The following UNK variants were observed in gnomAD, a reference collection of about 807,000 sequenced individuals.
The protein encoded by UNK is RING finger protein unkempt homolog.
Under a neutral mutation model 97.6 loss-of-function variants are expected in UNK, and 32 were observed. The observed-to-expected ratio is 0.33, with a 90% CI of 0.25 to 0.44. The LOEUF (loss-of-function observed/expected upper bound fraction) is 0.44. Among genes scored for constraint, UNK ranks in the 20% least tolerant of loss-of-function variants. The pLI is 1.00. For synonymous variants in UNK, 441 were observed against 461.2 expected (o/e 0.96, Z 0.56); for missense variants, 771 against 1,098.4 (o/e 0.70, Z 4.21).
intron 1 of UNK, among the ~76,000 whole-genome samples, chr17:75,806,236 G>T (rs1025702530): frequency 2.1e-5 from 3 of 143,132 alleles, no homozygotes; most frequent in Non-Finnish European, 4.6e-5. Flanking sequence ...CGGGCGGATC[G>T]CAAGTTCAGG....
In UNK at chr17:75,819,041, G is replaced by C. The variant is rs2062042327; in HGVS notation, c.1546+225G>C. 2.0e-6 allele frequency: 1 copy of C among 493,112 alleles called. No individual in the cohort carries two copies. The allele number at this position is 493,112 out of a possible 1,614,324, so 30.5% of individuals were successfully genotyped here. A position where few individuals can be genotyped will look rare whatever the true frequency, so the allele number is the denominator to read the frequency against. On this transcript the variant is annotated intron_variant, in intron 11 of 15. Transcript: ENST00000589666. The surrounding 1 kb of genome is among the most constrained non-coding windows in gnomAD (Gnocchi z 5.4). ...TCCTTTGTGCAAATTAGAAAGAGGTGCCTTTTCCCCTTGGTGAGTACAGTC... is the reference window on the plus strand; with the variant it reads ...TCCTTTGTGCAAATTAGAAAGAGGTCCCTTTTCCCCTTGGTGAGTACAGTC...
intron 13 of UNK, among the ~76,000 whole-genome samples, chr17:75,822,090 A>G (rs1380280252): frequency 2.6e-5 from 4 of 152,188 alleles, no homozygotes; most frequent in Non-Finnish European, 4.4e-5. Context: ...TCAGGCTGCA[A>G]AAAGGCCCTA....
chr17:75,811,085 G>T (rs1423258560), intron 2 of UNK, among the ~76,000 whole-genome samples: 1 of 152,110 alleles, frequency 6.6e-6, no homozygotes, highest in African/African-American at 2.4e-5. Context: ...AAGTAGCTGG[G>T]ATTACAGGCG....
intron 5 of UNK, 21 bp from the exon 6 acceptor site, chr17:75,813,740 C>T: frequency 6.4e-7 from 1 of 1,555,644 alleles, no homozygotes; most frequent in Non-Finnish European, 8.7e-7. Flanking sequence ...CTCCATCTGA[C>T]CCCACCCTCT....
rs2062017304 is a variant in UNK at position 75,816,503 on chromosome 17, T to TAA, written c.962-267_962-266insAA. Among the ~76,000 whole-genome samples, 3 of 152,332 alleles carry TAA rather than the reference T, an allele frequency of 2.0e-5. No individual in the cohort carries two copies. Among genetic ancestry groups the TAA allele is most frequent in the Non-Finnish European group, 4.4e-5 (3 of 68,032 alleles). On this transcript the variant is annotated intron_variant, in intron 7 of 15. Coordinates refer to ENST00000589666, the MANE Select transcript of UNK (RefSeq NM_001080419.3). The surrounding 1 kb of genome is among the most constrained non-coding windows in gnomAD (Gnocchi z 4.0). ...GTCACTTTGGTGGGTTTACCTTACCTCTCTGAGCCTCAGTTTTCTTATTTA... is the reference window on the plus strand; with the variant it reads ...GTCACTTTGGTGGGTTTACCTTACCTAACTCTGAGCCTCAGTTTTCTTATTTA...
chr17:75,799,965 GA>G (rs1009568579), intron 1 of UNK, among the ~76,000 whole-genome samples: 2 of 151,842 alleles, frequency 1.3e-5, no homozygotes, highest in Non-Finnish European at 2.9e-5. Context: ...ACAAAAAGGG[GA>G]AAAAAAAGAC....
chr17:75,792,007 CT>C (rs2061767413), intron 1 of UNK: 1 of 985,348 alleles, frequency 1.0e-6, no homozygotes. Flanking sequence ...TTTCAACACC[CT>C]GATGCCTGAA....
chr17:75,823,460 T>C lies in UNK; in HGVS notation c.2215T>C (p.Ser739Pro). 6.3e-7 allele frequency: 1 copy of C among 1,583,570 alleles called. No homozygotes were observed. Among genetic ancestry groups the C allele is most frequent in the Non-Finnish European group, 8.6e-7 (1 of 1,162,274 alleles). ...CGCCTTCTCCGACCTGGAGGCGCTC[T>C]CACTCTCCACCCTCTACTCCCTCCA... is the stretch of plus-strand genomic sequence containing the variant. ...LPAFSDLEAL[S>P]LSTLYSLQKQ... is the part of the protein sequence containing the mutation. Residue 739 changes from serine to proline, a missense_variant, in exon 15 of 16, where the codon TCA (serine) becomes CCA (proline). Ser to Pro is a moderately conservative substitution (Grantham distance 74). Coordinates refer to ENST00000589666, the MANE Select transcript of UNK (RefSeq NM_001080419.3).
intron 1 of UNK, among the ~76,000 whole-genome samples, chr17:75,806,287 T>C (rs2061915839): frequency 6.8e-6 from 1 of 146,794 alleles, no homozygotes; most frequent in African/African-American, 2.6e-5. Flanking sequence ...ACCCCGTCTC[T>C]ACTAAAAATA....
At chr17:75,813,332 T>A (rs1343487175) in intron 5 of UNK, 119 bp downstream of exon 5, 28 of 1,374,428 alleles carry the variant, frequency 2.0e-5, no homozygotes, top group Non-Finnish European at 2.5e-5. Context: ...GATGACAGGA[T>A]CGCAAGCCCA....
In UNK at chr17:75,813,761, G is replaced by A. The variant is rs1315136024; in HGVS notation, c.759G>A (p.Arg253=). 1 of 1,581,460 alleles carries A rather than the reference G, an allele frequency of 6.3e-7. No individual in the cohort carries two copies. The highest frequency in any genetic ancestry group is 2.3e-5 in the East Asian group (1 of 43,002). The change falls in exon 6 of 16, where the codon AGG becomes AGA. Residue 253 remains arginine, a splice_region_variant and synonymous_variant. Coordinates refer to ENST00000589666, the MANE Select transcript of UNK (RefSeq NM_001080419.3). ...CTGACCCCACCCTCTTGTTGGCCAG[G>A]TCGTCTCCATGTCCAAACGTCAAGC... The part of the protein sequence containing the change: ...RRRSPRKHKY[R]SSPCPNVKHG...
At chr17:75,809,182 CTG>C (rs1410911179) in intron 1 of UNK, 1 of 152,996 alleles carries the variant, frequency 6.5e-6, no homozygotes, top group South Asian at 2.0e-4. Flanking sequence ...GGAAATGTCT[CTG>C]GGCGGAGGCG....
chr17:75,794,372 C>T (rs1383210478), intron 1 of UNK, among the ~76,000 whole-genome samples: 1 of 152,172 alleles, frequency 6.6e-6, no homozygotes, highest in African/African-American at 2.4e-5. Context: ...CATGGTGGCT[C>T]ACGCCTGTAA....
chr17:75,817,615 G>C lies in UNK; in HGVS notation c.1305+89G>C, dbSNP rs1399288867. On this transcript the variant is annotated intron_variant, in intron 9 of 15. Coordinates refer to ENST00000589666, the MANE Select transcript of UNK (RefSeq NM_001080419.3). The surrounding 1 kb of genome is among the most constrained non-coding windows in gnomAD (Gnocchi z 5.8). Reference sequence around the variant, plus strand: ...AGGAGTGTCTTGGTCCAGCTACGGGGAGGATGACTGGGAGCTAGGACTCCA... The same window carrying C: ...AGGAGTGTCTTGGTCCAGCTACGGGCAGGATGACTGGGAGCTAGGACTCCA... 24 of 1,369,174 alleles carry C rather than the reference G, an allele frequency of 1.8e-5. No homozygotes were observed. The highest frequency in any genetic ancestry group is 2.3e-5 in the Non-Finnish European group (23 of 1,011,080). 84.8% of individuals were successfully genotyped at this position (1,369,174 alleles called of 1,614,324 possible).
rs541954157 is a variant in UNK, at chr17:75,813,900, G to C, written c.876+22G>C. The stretch of plus-strand genomic sequence containing the variant: ...CGAGGTGGGCCCCACAGCAGGGTGG[G>C]GGGGTGGCTTTGGGAAGTAAGGAGA... On this transcript the variant is annotated intron_variant, in intron 6 of 15. Transcript: ENST00000589666. 1.7e-5 allele frequency: 26 copies of C among 1,546,624 alleles called. No individual in the cohort carries two copies. In the Admixed American group the frequency reaches 2.1e-4, roughly 13 times the overall value.
chr17:75,805,938 T>C (rs1181866243), intron 1 of UNK, among the ~76,000 whole-genome samples: 1 of 151,674 alleles, frequency 6.6e-6, no homozygotes, highest in African/African-American at 2.4e-5. Context: ...TGCAAATTGT[T>C]ATCCCCTCAA....
At chr17:75,823,175 C>CG in intron 14 of UNK, 90 bp from the exon 15 acceptor site, 1 of 1,497,966 alleles carries the variant, frequency 6.7e-7, no homozygotes, top group Non-Finnish European at 8.9e-7. Context: ...CACCAGGCCT[C>CG]GCAGCCAGAG....
At chr17:75,806,052 G>C (rs1344018773) in intron 1 of UNK, among the ~76,000 whole-genome samples, 2 of 147,224 alleles carry the variant, frequency 1.4e-5, no homozygotes, top group African/African-American at 5.1e-5. Flanking sequence ...GCAGTGAGCT[G>C]AGATCACACC....
At chr17:75,821,748 G>A in intron 13 of UNK, 1 of 456,506 alleles carries the variant, frequency 2.2e-6, no homozygotes, top group Non-Finnish European at 4.4e-6. Context: ...GAAGCCCGGG[G>A]CTGCCCTGGG....
Sources: gnomAD v4.1 joint callset for allele counts (sites outside exome capture counted in the v4.1 genomes callset) on GRCh38, gnomAD v4.1.1 for gene constraint, Gnocchi (gnomAD v3.1) non-coding constraint, MANE v1.5 for transcripts, NCBI Gene and HGNC (gene_info 2026-07-23, HGNC 2026-07-21) for gene names.